The following PTPRM variants were observed in gnomAD, a reference collection of about 807,000 sequenced individuals.
PTPRM encodes the protein protein tyrosine phosphatase receptor type M, also known as receptor-type tyrosine-protein phosphatase mu.
Under a neutral mutation model 186.7 loss-of-function variants are expected in PTPRM, and 47 were observed. That is an observed-to-expected ratio of 0.25 (90% CI 0.20 to 0.32). PTPRM has a LOEUF of 0.32. PTPRM is among the 10% of genes least tolerant of loss of function. The probability of loss-of-function intolerance (pLI) is 1.00; values close to 1 mark genes in which losing one functional copy is unlikely to be tolerated. For synonymous variants in PTPRM, 668 were observed against 674.9 expected (o/e 0.99, Z 0.16); for missense variants, 1,494 against 1,865.0 (o/e 0.80, Z 3.66).
rs770150789 is a variant in PTPRM, at chr18:7,949,281, C to A, written c.764C>A (p.Ala255Asp). 6.2e-7 allele frequency: 1 copy of A among 1,614,046 alleles called. No homozygotes were observed. ...GTTGTGAATACCACCAAACGAGATG[C>A]TGGAAAGTACCGCTGCATGATTCGC... Reference protein sequence around the residue: ...FNVVNTTKRDAGKYRCMIRTE... With the variant: ...FNVVNTTKRDDGKYRCMIRTE... The change falls in exon 6 of 33, where the codon GCT becomes GAT. Residue 255 changes from alanine to aspartate, a missense_variant. Coordinates refer to ENST00000580170, the MANE Select transcript of PTPRM (RefSeq NM_001105244.2).
chr18:8,380,031 T>C (rs1663007100), intron 28 of PTPRM, among the ~76,000 whole-genome samples: 1 of 152,256 alleles, frequency 6.6e-6, no homozygotes, highest in African/African-American at 2.4e-5. Flanking sequence ...AGATTCGATA[T>C]TGCCTCTCTA....
chr18:8,027,942 T>TA (rs2085675440), intron 7 of PTPRM, among the ~76,000 whole-genome samples: 1 of 152,192 alleles, frequency 6.6e-6, no homozygotes, highest in African/African-American at 2.4e-5. Context: ...CCTTCACTGT[T>TA]ATCTCCTATC....
chr18:7,970,882 GC>G (rs2054482515), intron 7 of PTPRM, among the ~76,000 whole-genome samples: 1 of 111,912 alleles, frequency 8.9e-6, no homozygotes, highest in African/African-American at 4.0e-5. Context: ...TGGCCATACT[GC>G]CCAAGGTAAT....
intron 22 of PTPRM, among the ~76,000 whole-genome samples, chr18:8,324,656 A>G (rs975948435): frequency 7.9e-5 from 12 of 152,254 alleles, no homozygotes; most frequent in African/African-American, 2.9e-4. Flanking sequence ...CATGTGCCAG[A>G]CAGCATTCCC....
chr18:7,777,574 A>G (rs989151246), intron 2 of PTPRM, among the ~76,000 whole-genome samples: 8 of 152,218 alleles, frequency 5.3e-5, no homozygotes, highest in Admixed American at 3.3e-4. Flanking sequence ...TTTTGGCATC[A>G]GCATGTAATT....
chr18:7,774,023 A>G (rs2042463007), intron 1 of PTPRM, 126 bp from the exon 2 acceptor site: 1 of 949,404 alleles, frequency 1.1e-6, no homozygotes, highest in Admixed American at 2.5e-5. Flanking sequence ...TCCTGAGTGG[A>G]AAGACCTAAT....
chr18:7,667,221 T>C (rs1235918779), intron 1 of PTPRM, among the ~76,000 whole-genome samples: 1 of 152,204 alleles, frequency 6.6e-6, no homozygotes, highest in African/African-American at 2.4e-5. Flanking sequence ...TATGATGATA[T>C]CATGTAACAG....
At chr18:8,315,772 A>G (rs187077287) in intron 21 of PTPRM, among the ~76,000 whole-genome samples, 258 of 152,368 alleles carry the variant, frequency 1.7e-3, no homozygotes, top group Middle Eastern at 3.4e-3. Context: ...TAAGAAAGTT[A>G]TCTAAAAATA....
intron 14 of PTPRM, among the ~76,000 whole-genome samples, chr18:8,202,570 C>T (rs1239780722): frequency 6.6e-6 from 1 of 150,636 alleles, no homozygotes; most frequent in Non-Finnish European, 1.5e-5. Flanking sequence ...AGTTCTTTCC[C>T]ACTTTCATTT....
chr18:8,315,693 T>C (rs1417762517), intron 21 of PTPRM, among the ~76,000 whole-genome samples: 1 of 152,218 alleles, frequency 6.6e-6, no homozygotes, highest in Non-Finnish European at 1.5e-5. Flanking sequence ...GATCCATATA[T>C]ATGGATTGTT....
intron 1 of PTPRM, among the ~76,000 whole-genome samples, chr18:7,590,047 C>G (rs879215775): frequency 1.3e-5 from 2 of 152,146 alleles, no homozygotes; most frequent in Admixed American, 1.3e-4. Context: ...TTACATGGAT[C>G]TGGAAACAAT....
chr18:7,872,254 C>T (rs931078849), intron 2 of PTPRM, among the ~76,000 whole-genome samples: 2 of 152,212 alleles, frequency 1.3e-5, no homozygotes, highest in African/African-American at 2.4e-5. Context: ...GCTCCCCAGC[C>T]TCTCAGTATC....
intron 2 of PTPRM, among the ~76,000 whole-genome samples, chr18:7,887,679 G>A (rs112456518): frequency 9.1e-4 from 138 of 152,314 alleles, no homozygotes; most frequent in African/African-American, 3.0e-3. Flanking sequence ...CTGTATCTGT[G>A]CTGCCCAGTG....
chr18:8,380,382 T>C lies in PTPRM; in HGVS notation c.3873T>C (p.Tyr1291=). The C allele has an allele frequency of 1.2e-6, 2 of 1,614,224 alleles. No individual in the cohort carries two copies. The highest frequency in any genetic ancestry group is 1.7e-6 in the Non-Finnish European group (2 of 1,180,034). The change falls in exon 29 of 33, where the codon TAT becomes TAC. Residue 1291 remains tyrosine, a synonymous_variant. Transcript: ENST00000580170. ...VKDFWRLVLD[Y]HCTSVVMLND... ...ACTTTTGGAGACTGGTCCTGGATTA[T>C]CACTGCACATCCGTAGTTATGCTAA...
At chr18:7,865,340 A>C (rs983166104) in intron 2 of PTPRM, among the ~76,000 whole-genome samples, 1 of 152,160 alleles carries the variant, frequency 6.6e-6, no homozygotes, top group Admixed American at 6.6e-5. Context: ...AATAGCTCTT[A>C]GTATTTTGAG....
intron 1 of PTPRM, among the ~76,000 whole-genome samples, chr18:7,703,828 C>T (rs979958977): frequency 6.6e-6 from 1 of 151,982 alleles, no homozygotes; most frequent in African/African-American, 2.4e-5. Context: ...ATAACTGTTA[C>T]TATTTTGAGA....
chr18:8,377,107 A>T (rs1406581768), intron 26 of PTPRM: 1 of 152,568 alleles, frequency 6.6e-6, no homozygotes, highest in Non-Finnish European at 1.5e-5. Context: ...GTAACTCTGT[A>T]AGTGGAAATT....
At chr18:7,710,565 A>T (rs1190530372) in intron 1 of PTPRM, among the ~76,000 whole-genome samples, 1 of 152,152 alleles carries the variant, frequency 6.6e-6, no homozygotes, top group Non-Finnish European at 1.5e-5. Flanking sequence ...ACAAGAGAAA[A>T]AAATAAAAAG....
At chr18:8,383,635 T>A (rs1207382950) in intron 29 of PTPRM, among the ~76,000 whole-genome samples, 1 of 152,174 alleles carries the variant, frequency 6.6e-6, no homozygotes, top group African/African-American at 2.4e-5. Flanking sequence ...CTGTAGGAAA[T>A]TGCTTTTTTA....
Sources: gnomAD v4.1 joint callset for allele counts (sites outside exome capture counted in the v4.1 genomes callset) on GRCh38, gnomAD v4.1.1 for gene constraint, MANE v1.5 for transcripts, NCBI Gene and HGNC (gene_info 2026-07-23, HGNC 2026-07-21) for gene names.